ABCA1: variants seen among roughly 807,000 people sequenced by gnomAD.
ABCA1 encodes ATP binding cassette subfamily A member 1.
Under a neutral mutation model 262.5 loss-of-function variants are expected in ABCA1, and 133 were observed. The ratio of observed to expected loss-of-function variants is 0.51; its 90% confidence interval spans 0.44 to 0.59. The LOEUF (loss-of-function observed/expected upper bound fraction) is 0.59, where lower values mean the gene tolerates loss of function less well. Among genes scored for constraint, ABCA1 ranks in the 20% least tolerant of loss-of-function variants. The pLI is 0.00. For missense variants in ABCA1, 2,452 were observed against 2,777.5 expected (o/e 0.88, Z 2.63); for synonymous variants, 1,022 against 1,043.5 (o/e 0.98, Z 0.40).
In ABCA1 at chr9:104,880,313, C is replaced by T. The variant is rs574703835; in HGVS notation, c.421+2726G>A. 6.8e-4 allele frequency among the ~76,000 whole-genome samples: 103 copies of T among 152,114 alleles called. 1 individual carries two copies. Among genetic ancestry groups the T allele is most frequent in the African/African-American group, 2.4e-3 (101 of 41,494 alleles). Reference sequence around the variant, plus strand: ...ACATATGCCAGTCTCAGCTTCTCTCCGAAATTGACAAGAGTGCTATTCGCA... The same window carrying T: ...ACATATGCCAGTCTCAGCTTCTCTCTGAAATTGACAAGAGTGCTATTCGCA... On this transcript the variant is annotated intron_variant, in intron 5 of 49. Transcript: ENST00000374736.
chr9:104,868,177 T>C (rs1277265012), intron 5 of ABCA1, among the ~76,000 whole-genome samples: 1 of 151,980 alleles, frequency 6.6e-6, no homozygotes, highest in Non-Finnish European at 1.5e-5. Flanking sequence ...CTGACCAACA[T>C]GAAGAAACCC....
chr9:104,800,401 T>C (rs1264535704), intron 35 of ABCA1, 109 bp downstream of exon 35: 9 of 1,057,320 alleles, frequency 8.5e-6, no homozygotes, highest in African/African-American at 4.6e-5. Context: ...TAGTTTGCTC[T>C]TTTCTGTTGT....
intron 45 of ABCA1, 29 bp from the exon 46 acceptor site, chr9:104,788,083 G>A (rs1445163339): frequency 9.3e-6 from 15 of 1,611,086 alleles, no homozygotes; most frequent in African/African-American, 1.3e-5. Flanking sequence ...CCTTGACTTT[G>A]GTCTGGCTTG....
Position 104,864,380 on chromosome 9 carries a change from C to T in ABCA1, c.422-2580G>A, listed in dbSNP as rs78110149. Reference sequence around the variant, plus strand: ...GAACAGAAAGCGACATCCGGGGTCACTTTCTGTTCTTGGGAGAAACAGGAA... The same window carrying T: ...GAACAGAAAGCGACATCCGGGGTCATTTTCTGTTCTTGGGAGAAACAGGAA... On this transcript the variant is annotated intron_variant, in intron 5 of 49. Coordinates refer to ENST00000374736, the MANE Select transcript of ABCA1 (RefSeq NM_005502.4). Among the ~76,000 whole-genome samples, 228 of 152,158 alleles carry T rather than the reference C, an allele frequency of 1.5e-3. 2 individuals carry two copies. The East Asian group carries it at 0.04, about 27-fold the overall frequency.
At chr9:104,915,775 T>A (rs928612480) in intron 1 of ABCA1, among the ~76,000 whole-genome samples, 3 of 152,202 alleles carry the variant, frequency 2.0e-5, no homozygotes, top group Non-Finnish European at 4.4e-5. Flanking sequence ...CTGTCAACTG[T>A]AGTTTTGAAA....
At chr9:104,924,523 T>C (rs779792606) in intron 1 of ABCA1, among the ~76,000 whole-genome samples, 3 of 149,908 alleles carry the variant, frequency 2.0e-5, no homozygotes, top group Non-Finnish European at 4.4e-5. Context: ...GGCAGGAGAA[T>C]CACCTGAACC....
intron 34 of ABCA1, 125 bp downstream of exon 34, chr9:104,801,929 G>T: frequency 1.1e-6 from 1 of 876,976 alleles, no homozygotes; most frequent in Non-Finnish European, 1.9e-6. Context: ...TGCCAAAGAC[G>T]GCTCTGTATG....
chr9:104,840,567 A>C (rs1834277984), intron 8 of ABCA1, 48 bp from the exon 9 acceptor site: 2 of 1,575,680 alleles, frequency 1.3e-6, no homozygotes, highest in Non-Finnish European at 1.7e-6. Context: ...AAGGGAGAAA[A>C]GGGCAGTGCA....
At chr9:104,895,505 G>A (rs1361736373) in intron 2 of ABCA1, among the ~76,000 whole-genome samples, 1 of 151,648 alleles carries the variant, frequency 6.6e-6, no homozygotes, top group Non-Finnish European at 1.5e-5. Flanking sequence ...TGGTGGAAGG[G>A]TGAGGGTGGG....
At chr9:104,811,401 A>C (rs1200422813) in intron 28 of ABCA1, among the ~76,000 whole-genome samples, 1 of 152,228 alleles carries the variant, frequency 6.6e-6, no homozygotes, top group African/African-American at 2.4e-5. Context: ...AGGTCTGAGA[A>C]CACATGGCCC....
Position 104,825,703 on chromosome 9 carries a change from T to C in ABCA1, c.2522A>G (p.Tyr841Cys), listed in dbSNP as rs773469755. 6.2e-7 allele frequency: 1 copy of C among 1,614,248 alleles called. No homozygotes were observed. Among genetic ancestry groups the C allele is most frequent in the Non-Finnish European group, 8.5e-7 (1 of 1,180,040 alleles). The change falls in exon 17 of 50, where the codon TAC (tyrosine) becomes TGC (cysteine). Residue 841 changes from tyrosine (Y) to cysteine (C), a missense_variant. Coordinates refer to ENST00000374736, the MANE Select transcript of ABCA1 (RefSeq NM_005502.4). The part of the protein sequence containing the change: ...DTFLYGVMTW[Y>C]IEAVFPGQYG... ...TGTACCTGGAAAGACAGCCTCAATG[T>C]ACCAGGTCATCACCCCATAGAGGAA...
Position 104,820,026 on chromosome 9 carries a change from C to A in ABCA1, c.3004G>T (p.Gly1002Trp). The A allele has an allele frequency of 6.2e-7, 1 of 1,614,130 alleles. No individual in the cohort carries two copies. Among genetic ancestry groups the A allele is most frequent in the Non-Finnish European group, 8.5e-7 (1 of 1,180,030 alleles). The change falls in exon 21 of 50, where the codon GGG becomes TGG. Residue 1002 changes from glycine (G) to tryptophan (W), a missense_variant. By Grantham distance (184) the Gly-to-Trp change is radical. Around this residue, in one of 4 missense-constraint regions of ABCA1, gnomAD observed 665 missense variants for 727.3 expected, o/e 0.91. Coordinates refer to ENST00000374736, the MANE Select transcript of ABCA1 (RefSeq NM_005502.4). The stretch of plus-strand genomic sequence containing the variant: ...GCCTTCACGTGCTTCTCAGAGAGCC[C>A]TTTCAAGCGGGCATAGAACCAGATG... ...EHIWFYARLKGLSEKHVKAEM... is the reference protein window; with the variant it reads ...EHIWFYARLKWLSEKHVKAEM...
intron 3 of ABCA1, among the ~76,000 whole-genome samples, chr9:104,888,841 T>C (rs1409643118): frequency 6.6e-6 from 1 of 152,212 alleles, no homozygotes; most frequent in African/African-American, 2.4e-5. Context: ...ATCAGTAAGG[T>C]TATTCTATTT....
chr9:104,790,899 A>C, intron 44 of ABCA1, 23 bp downstream of exon 44: 1 of 1,508,096 alleles, frequency 6.6e-7, no homozygotes, highest in South Asian at 1.1e-5. Flanking sequence ...TTGCAGCAAA[A>C]TACAAGCCAC....
At chr9:104,863,334 C>A (rs900496178) in intron 5 of ABCA1, among the ~76,000 whole-genome samples, 6 of 152,220 alleles carry the variant, frequency 3.9e-5, no homozygotes, top group African/African-American at 1.2e-4. Context: ...CTCCTAACAG[C>A]CTAACTTCTT....
intron 16 of ABCA1, among the ~76,000 whole-genome samples, chr9:104,826,496 C>T (rs4149311): frequency 0.24 from 35,899 of 152,170 alleles, 6,214 homozygotes; most frequent in East Asian, 0.69. Flanking sequence ...GTTCAGAAAA[C>T]ATTACTCAAG....
rs866764845 is a variant in ABCA1 at position 104,791,043 on chromosome 9, T to C, written c.5821-15A>G. ...AGCCCAAAGCACTGAAAAGGAAAGATTAAGTTGTATAAGCAAACTCTAAAA... is the reference window on the plus strand; with the variant it reads ...AGCCCAAAGCACTGAAAAGGAAAGACTAAGTTGTATAAGCAAACTCTAAAA... On this transcript the variant is annotated splice_polypyrimidine_tract_variant and intron_variant, in intron 43 of 49. Coordinates refer to ENST00000374736, the MANE Select transcript of ABCA1 (RefSeq NM_005502.4). The C allele has an allele frequency of 6.3e-6, 10 of 1,593,314 alleles. 1 individual carries two copies. In the Middle Eastern group the frequency reaches 1.7e-3, roughly 265 times the overall value.
intron 2 of ABCA1, among the ~76,000 whole-genome samples, chr9:104,889,664 T>C (rs4149267): frequency 0.47 from 71,401 of 151,980 alleles, 18,982 homozygotes; most frequent in African/African-American, 0.73. Context: ...AGCCTTAGCA[T>C]AGTGCCAGGT....
At chr9:104,882,801 T>G (rs1408519059) in intron 5 of ABCA1, among the ~76,000 whole-genome samples, 1 of 152,222 alleles carries the variant, frequency 6.6e-6, no homozygotes, top group Non-Finnish European at 1.5e-5. Flanking sequence ...TATTCTTCCC[T>G]GGGGACTTTT....
Sources: allele counts gnomAD v4.1 joint callset (sites outside exome capture counted in the v4.1 genomes callset), GRCh38; gene constraint gnomAD v4.1.1; regional missense constraint gnomAD v4.1.1; transcripts MANE v1.5; gene names NCBI Gene and HGNC (gene_info 2026-07-23, HGNC 2026-07-21).